WDHD1: variants seen among roughly 807,000 people sequenced by gnomAD.
WDHD1 encodes WD repeat and HMG-box DNA binding protein 1.
WDHD1 carries 111 observed loss-of-function variants against 135.4 expected under a neutral mutation model. That is an observed-to-expected ratio of 0.82 (90% confidence interval 0.70 to 0.96). WDHD1 has a LOEUF of 0.96. Among genes scored for constraint, WDHD1 ranks in the 40% least tolerant of loss-of-function variants. The pLI, the probability that WDHD1 is intolerant of heterozygous loss-of-function variation, is 0.00. For synonymous variants in WDHD1, 434 were observed against 439.0 expected (o/e 0.99, Z 0.14); for missense variants, 1,351 against 1,336.3 (o/e 1.01, Z -0.17).
At chr14:54,983,914 T>C (rs141846565) in intron 15 of WDHD1, among the ~76,000 whole-genome samples, 84 of 152,314 alleles carry the variant, frequency 5.5e-4, no homozygotes, top group African/African-American at 1.8e-3. Flanking sequence ...TCATTTAACA[T>C]GTAATCAACA....
intron 13 of WDHD1, 64 bp from the exon 14 acceptor site, chr14:54,987,451 T>A (rs2041712434): frequency 2.1e-5 from 29 of 1,362,440 alleles, no homozygotes; most frequent in Non-Finnish European, 2.9e-5. Flanking sequence ...TATATATATA[T>A]AAGCAATCAT....
At position 55,000,621 on chromosome 14, in the gene WDHD1, G is replaced by A; in HGVS notation, c.824C>T (p.Ala275Val). 6.3e-7 allele frequency: 1 copy of A among 1,585,244 alleles called. No individual in the cohort carries two copies. Among genetic ancestry groups the A allele is most frequent in the East Asian group, 2.3e-5 (1 of 43,534 alleles). The change falls in exon 10 of 26, where the codon GCA becomes GTA. Residue 275 changes from alanine (A) to valine (V), a missense_variant. This residue lies in a region of WDHD1 where 1,330 missense variants were observed against 1,296.1 expected (regional missense o/e 1.03). Transcript: ENST00000360586. ...MERVKHEKGY[A>V]ICGLAWHPTC... ...AGGATGCCATGCCAGACCACAAATT[G>A]CATAACCTTTCTCATGTTTCACCCT...
chr14:54,990,279 T>A (rs1483594173), intron 12 of WDHD1, among the ~76,000 whole-genome samples: 1 of 152,042 alleles, frequency 6.6e-6, no homozygotes, highest in African/African-American at 2.4e-5. Context: ...AAACATCATA[T>A]AACCAACACA....
intron 9 of WDHD1, 118 bp from the exon 10 acceptor site, chr14:55,000,762 A>T (rs1351534783): frequency 9.6e-7 from 1 of 1,045,006 alleles, no homozygotes; most frequent in African/African-American, 1.7e-5. Flanking sequence ...TTTATAAATA[A>T]TATAAATTTA....
Position 54,944,332 on chromosome 14 carries a change from C to G in WDHD1, c.3189G>C (p.Lys1063Asn). 1 of 1,600,460 alleles carries G rather than the reference C, an allele frequency of 6.2e-7. No homozygotes were observed. Among genetic ancestry groups the G allele is most frequent in the East Asian group, 2.2e-5 (1 of 44,526 alleles). Residue 1063 changes from lysine (K) to asparagine (N), a missense_variant and splice_region_variant, in exon 25 of 26, where the codon AAG becomes AAC. By Grantham distance (94) the Lys-to-Asn change is moderately conservative. Around this residue, in one of 2 missense-constraint regions of WDHD1, gnomAD observed 1,330 missense variants for 1,296.1 expected, o/e 1.03. Coordinates refer to ENST00000360586, the MANE Select transcript of WDHD1 (RefSeq NM_007086.4). ...RFRVLSTEER[K>N]VWANKAKGET... ...TCAATCTCGGCACAATTATCCTTAC[C>G]TTTCTTTCTTCAGTTGACAATACTC...
intron 2 of WDHD1, among the ~76,000 whole-genome samples, chr14:55,026,199 G>A: frequency 6.6e-6 from 1 of 152,110 alleles, no homozygotes; most frequent in African/African-American, 2.4e-5. Context: ...AGTGGAAGCC[G>A]TGCAATCGAG....
intron 13 of WDHD1, among the ~76,000 whole-genome samples, chr14:54,987,738 T>C (rs2041716762): frequency 6.6e-6 from 1 of 152,150 alleles, no homozygotes; most frequent in Non-Finnish European, 1.5e-5. Context: ...TCCTGTCTCT[T>C]GCCTCAGCCT....
intron 16 of WDHD1, among the ~76,000 whole-genome samples, chr14:54,976,451 C>G (rs948884351): frequency 1.8e-4 from 27 of 152,138 alleles, no homozygotes; most frequent in African/African-American, 6.3e-4. Context: ...CATGCTTTGG[C>G]CTCCCGATGT....
intron 25 of WDHD1, among the ~76,000 whole-genome samples, chr14:54,942,248 C>G (rs1194861352): frequency 2.3e-5 from 3 of 129,684 alleles, no homozygotes; most frequent in African/African-American, 9.9e-5. Context: ...GACTCCGTCT[C>G]AAAAAATAAA....
chr14:54,986,127 A>G (rs1283146365), intron 14 of WDHD1, among the ~76,000 whole-genome samples: 4 of 152,224 alleles, frequency 2.6e-5, no homozygotes, highest in African/African-American at 7.2e-5. Context: ...GGATTATGAT[A>G]AAATTCCCCA....
At chr14:54,960,367 A>ACTAAAACCCCTGAAGAAACATC (rs2041231566) in intron 21 of WDHD1, among the ~76,000 whole-genome samples, 1 of 150,840 alleles carries the variant, frequency 6.6e-6, no homozygotes, top group Admixed American at 6.6e-5. Flanking sequence ...ACGGGGTTTC[A>ACTAAAACCCCTGAAGAAACATC]CTGTGTTCTT....
chr14:54,942,251 AAAATAAATAAAT>A lies in WDHD1; in HGVS notation c.3190-573_3190-562del, dbSNP rs140230532. Among the ~76,000 whole-genome samples the A allele has an allele frequency of 8.0e-3, 1,187 of 149,092 alleles. 16 individuals carry two copies. Among genetic ancestry groups the A allele is most frequent in the African/African-American group, 0.028 (1,106 of 40,192 alleles). On this transcript the variant is annotated intron_variant, in intron 25 of 25. Transcript: ENST00000360586. Reference sequence around the variant, plus strand: ...GGGCGAGAGCAAGACTCCGTCTCAAAAAATAAATAAATAAATAAATAAATAAATAATAAAAAT... The same window carrying A: ...GGGCGAGAGCAAGACTCCGTCTCAAAAAATAAATAAATAAATAATAAAAAT...
rs569017916 is a variant in WDHD1 at position 54,957,047 on chromosome 14, G to A, written c.2903C>T (p.Pro968Leu). Residue 968 changes from proline (P) to leucine (L), a missense_variant, in exon 23 of 26, where the codon CCG becomes CTG. Pro to Leu is a moderately conservative substitution (Grantham distance 98, BLOSUM62 -3). This residue lies in a region of WDHD1 where 1,330 missense variants were observed against 1,296.1 expected (regional missense o/e 1.03). Transcript: ENST00000360586. ...CTGAAACAGTACCTGCTTAGGCTTCGGCTTTGGAATCAGAGGCTTTATAAT... is the reference window on the plus strand; with the variant it reads ...CTGAAACAGTACCTGCTTAGGCTTCAGCTTTGGAATCAGAGGCTTTATAAT... Reference protein sequence around the residue: ...SPIIKPLIPKPKPKQASAASY... With the variant: ...SPIIKPLIPKLKPKQASAASY... 32 of 1,613,650 alleles carry A rather than the reference G, an allele frequency of 2.0e-5. No individual in the cohort carries two copies. The African/African-American group carries it at 3.5e-4, about 17-fold the overall frequency.
chr14:55,004,872 G>C (rs897693515), intron 7 of WDHD1: 3 of 517,932 alleles, frequency 5.8e-6, no homozygotes, highest in African/African-American at 1.9e-5. Context: ...GGGAGCCGCA[G>C]ACCAGTCTTC....
chr14:54,978,308 G>A (rs908964327), intron 16 of WDHD1, among the ~76,000 whole-genome samples: 3 of 152,164 alleles, frequency 2.0e-5, no homozygotes, highest in African/African-American at 7.2e-5. Context: ...ATGTGGCTTG[G>A]CATCTGGCTT....
chr14:55,026,602 C>T (rs1305693388), intron 2 of WDHD1, 109 bp downstream of exon 2: 5 of 1,083,268 alleles, frequency 4.6e-6, no homozygotes, highest in African/African-American at 1.6e-5. Context: ...TAGATTTCAA[C>T]ATTATTCCTC....
chr14:54,957,339 TC>T, intron 22 of WDHD1, 135 bp from the exon 23 acceptor site: 1 of 1,008,124 alleles, frequency 9.9e-7, no homozygotes. Flanking sequence ...TTTGGTACAA[TC>T]CAAATTAAGA....
intron 18 of WDHD1, among the ~76,000 whole-genome samples, chr14:54,963,799 CA>C (rs34281869): frequency 0.51 from 42,361 of 83,154 alleles, 7,663 homozygotes; most frequent in Middle Eastern, 0.65. Context: ...GACTCTGTCT[CA>C]AAAAAAAAAA....
chr14:54,957,454 A>C, intron 22 of WDHD1, 138 bp downstream of exon 22: 2 of 875,214 alleles, frequency 2.3e-6, no homozygotes, highest in Non-Finnish European at 3.4e-6. Flanking sequence ...TCTCAGCCCA[A>C]GTGCTGCTTT....
Sources: gnomAD v4.1 joint callset for allele counts (sites outside exome capture counted in the v4.1 genomes callset) on GRCh38, gnomAD v4.1.1 for gene constraint, gnomAD v4.1.1 regional missense constraint, MANE v1.5 for transcripts, NCBI Gene and HGNC (gene_info 2026-07-23, HGNC 2026-07-21) for gene names.